SBK1: variants seen among roughly 807,000 people sequenced by gnomAD.
SBK1 encodes serine/threonine-protein kinase SBK1.
Under a neutral mutation model 24.4 loss-of-function variants are expected in SBK1, and 11 were observed. The ratio of observed to expected loss-of-function variants is 0.45; its 90% CI spans 0.28 to 0.75. The LOEUF (loss-of-function observed/expected upper bound fraction) is 0.75. Among genes scored for constraint, SBK1 ranks in the 30% least tolerant of loss-of-function variants. SBK1 has a pLI of 0.12. For synonymous variants in SBK1, 308 were observed against 284.4 expected, an observed-to-expected ratio of 1.08 and a Z score of -0.83; for missense variants, 467 against 620.5, an observed-to-expected ratio of 0.75 and a Z score of 2.63.
In SBK1 at chr16:28,321,252, G is replaced by T. The variant is rs1390349836; in HGVS notation, c.*331G>T. On this transcript the variant is annotated 3_prime_UTR_variant, in exon 4 of 4. Transcript: ENST00000341901. The stretch of plus-strand genomic sequence containing the variant: ...ACACACACACACGCCAGGAGCAAGG[G>T]AGCTTTCGGGCCACACTCCCAGACG... The T allele has an allele frequency of 1.7e-5, 3 of 174,574 alleles. No individual in the cohort carries two copies. Among genetic ancestry groups the T allele is most frequent in the Non-Finnish European group, 2.4e-5 (2 of 84,684 alleles). 10.8% of individuals were successfully genotyped at this position (174,574 alleles called of 1,614,324 possible). A position where few individuals can be genotyped will look rare whatever the true frequency, so the allele number is the denominator to read the frequency against.
rs769231558 is a variant in SBK1, at chr16:28,317,205, G to A, written c.-7-180G>A. ...GTCTTCGGGGAGCTGACTCAGGCCT[G>A]GCCCCTGAGGCTTTGGGGAAGGCGA... On this transcript the variant is annotated intron_variant, in intron 1 of 3. Coordinates refer to ENST00000341901, the MANE Select transcript of SBK1 (RefSeq NM_001024401.3). The surrounding 1 kb of genome is among the most constrained non-coding windows in gnomAD (Gnocchi z 4.2). 5.9e-5 allele frequency among the ~76,000 whole-genome samples: 9 copies of A among 152,198 alleles called. No homozygotes were observed. Among genetic ancestry groups the A allele is most frequent in the Non-Finnish European group, 1.2e-4 (8 of 68,018 alleles).
chr16:28,294,585 T>C (rs191471532), intron 1 of SBK1, among the ~76,000 whole-genome samples: 1 of 152,310 alleles, frequency 6.6e-6, no homozygotes, highest in African/African-American at 2.4e-5. Flanking sequence ...GCACGTCCCA[T>C]TGGGCCTGTT....
chr16:28,280,876 A>G (rs1159620737), intron 1 of SBK1, among the ~76,000 whole-genome samples: 1 of 151,390 alleles, frequency 6.6e-6, no homozygotes, highest in Non-Finnish European at 1.5e-5. Context: ...TGTTGGCCAG[A>G]CTGGTCTCGA....
In SBK1 at chr16:28,282,559, C is replaced by T. The variant is rs114031247; in HGVS notation, c.257+23057C>T. 8.8e-3 allele frequency among the ~76,000 whole-genome samples: 1,336 copies of T among 152,266 alleles called. 22 individuals carry two copies. Among genetic ancestry groups the T allele is most frequent in the African/African-American group, 0.027 (1,127 of 41,544 alleles). ...ACTAGTCTGGGAGCTCCTGAAGGCA[C>T]AGACTGTGATTTTTAGCCAGCCCTT... is the stretch of plus-strand genomic sequence containing the variant. On this transcript the variant is annotated intron_variant, in intron 1 of 3. Coordinates refer to the SBK1 transcript ENST00000671413.
chr16:28,301,183 G>A (rs951646232), intron 1 of SBK1, among the ~76,000 whole-genome samples: 2 of 152,214 alleles, frequency 1.3e-5, no homozygotes, highest in African/African-American at 4.8e-5. Flanking sequence ...AGGCTGGGAA[G>A]ACCTCCCCAG....
intron 1 of SBK1, among the ~76,000 whole-genome samples, chr16:28,307,617 G>A (rs1462520872): frequency 5.3e-5 from 8 of 151,820 alleles, no homozygotes; most frequent in African/African-American, 1.7e-4. Flanking sequence ...GCTCACGCCT[G>A]TAGTCCCAGC....
chr16:28,280,147 AT>A (rs1391350410), intron 1 of SBK1, among the ~76,000 whole-genome samples: 1 of 48,380 alleles, frequency 2.1e-5, no homozygotes, highest in Non-Finnish European at 5.1e-5. Flanking sequence ...ATATATATAT[AT>A]ATGTGTGTGT....
At chr16:28,282,919 ATTTATTTATTTG>A (rs1407960860) in intron 1 of SBK1, among the ~76,000 whole-genome samples, 17 of 150,298 alleles carry the variant, frequency 1.1e-4, no homozygotes, top group Middle Eastern at 6.3e-3. Context: ...TTATTTATTT[ATTTATTTATTTG>A]TTTGTTTGTT....
At chr16:28,261,428 TACACACACACACACACACAC>T (rs35296302) in intron 1 of SBK1, among the ~76,000 whole-genome samples, 28 of 124,674 alleles carry the variant, frequency 2.2e-4, no homozygotes, top group African/African-American at 6.7e-4. Context: ...GACTCCCGTC[TACACACACACACACACACAC>T]ACACACACAC....
At chr16:28,261,161 T>C (rs2044394998) in intron 1 of SBK1, among the ~76,000 whole-genome samples, 1 of 151,896 alleles carries the variant, frequency 6.6e-6, no homozygotes, top group South Asian at 2.1e-4. Flanking sequence ...AAGGAAATAA[T>C]AGGTGCAGAA....
At chr16:28,285,047 A>C (rs2141570397) in intron 1 of SBK1, 1 of 152,376 alleles carries the variant, frequency 6.6e-6, no homozygotes, top group Admixed American at 6.5e-5. Context: ...TGTGGGCCCC[A>C]GCAATCCTTC....
chr16:28,284,534 G>A (rs1280872819), intron 1 of SBK1, among the ~76,000 whole-genome samples: 2 of 152,256 alleles, frequency 1.3e-5, no homozygotes, highest in African/African-American at 4.8e-5. Flanking sequence ...TCGTGAGCAG[G>A]AGGTCAGGGT....
chr16:28,283,729 A>G (rs1472617960), intron 1 of SBK1, among the ~76,000 whole-genome samples: 3 of 152,308 alleles, frequency 2.0e-5, no homozygotes, highest in Middle Eastern at 3.4e-3. Context: ...GTTACCAGGT[A>G]GAGGACAGAG....
At chr16:28,295,714 G>A (rs1323738680) in intron 1 of SBK1, among the ~76,000 whole-genome samples, 2 of 152,004 alleles carry the variant, frequency 1.3e-5, no homozygotes, top group South Asian at 2.1e-4. Flanking sequence ...AAAAAGTCGG[G>A]GGGAGGCAAT....
At position 28,317,513 on chromosome 16, in the gene SBK1, T is replaced by TCC; in HGVS notation, c.123_124dup (p.Arg42ProfsTer15). On this transcript the variant is annotated frameshift_variant, in exon 2 of 4. Coordinates refer to ENST00000341901, the MANE Select transcript of SBK1 (RefSeq NM_001024401.3). LOFTEE classifies it high-confidence loss of function. This position sits in a 1 kb window ranked among gnomAD's most constrained non-coding sequence, Gnocchi z 4.2. ...ACTGAAGACATGCAGGCCCTGACTC[T>TCC]CCGCACACTGGCCGCCAGCGACGTC... 1 of 1,614,136 alleles carries TCC rather than the reference T, an allele frequency of 6.2e-7. No individual in the cohort carries two copies. Among genetic ancestry groups the TCC allele is most frequent in the Non-Finnish European group, 8.5e-7 (1 of 1,180,030 alleles).
intron 1 of SBK1, among the ~76,000 whole-genome samples, chr16:28,306,832 T>A (rs1386042818): frequency 6.6e-6 from 1 of 152,240 alleles, no homozygotes; most frequent in Non-Finnish European, 1.5e-5. Flanking sequence ...TAACTTTTTA[T>A]ACTTGGCTTT....
intron 1 of SBK1, among the ~76,000 whole-genome samples, chr16:28,302,011 G>A (rs2044683040): frequency 6.6e-6 from 1 of 152,354 alleles, no homozygotes; most frequent in Non-Finnish European, 1.5e-5. Flanking sequence ...TTTGTGTTGA[G>A]GACCAAGGGG....
At chr16:28,302,297 C>A (rs1333121621) in intron 1 of SBK1, among the ~76,000 whole-genome samples, 1 of 152,228 alleles carries the variant, frequency 6.6e-6, no homozygotes, top group Non-Finnish European at 1.5e-5. Context: ...TTGGTGGCCC[C>A]CACCCTCTGG....
intron 1 of SBK1, among the ~76,000 whole-genome samples, chr16:28,299,073 C>CT (rs1368020060): frequency 6.6e-6 from 1 of 152,192 alleles, no homozygotes; most frequent in Admixed American, 6.5e-5. Context: ...TAGGTGTCTC[C>CT]AGGAGGCACA....
Sources: gnomAD v4.1 joint callset for allele counts (sites outside exome capture counted in the v4.1 genomes callset) on GRCh38, gnomAD v4.1.1 for gene constraint, Gnocchi (gnomAD v3.1) non-coding constraint, MANE v1.5 for transcripts, NCBI Gene and HGNC (gene_info 2026-07-23, HGNC 2026-07-21) for gene names.